RIN2: variants seen among roughly 807,000 people sequenced by gnomAD.
RIN2 encodes the protein Ras and Rab interactor 2.
In RIN2, 36 loss-of-function variants were observed where a neutral mutation model predicts 78.0. That is an observed-to-expected ratio of 0.46 (90% CI 0.35 to 0.61). The LOEUF is 0.61. RIN2 is among the 20% of genes least tolerant of loss of function. The pLI is 0.00. For synonymous variants in RIN2, 466 were observed against 466.8 expected (o/e 1.00, Z 0.02); for missense variants, 1,087 against 1,159.7 (o/e 0.94, Z 0.91).
chr20:19,944,562 C>T (rs768724094), intron 4 of RIN2, among the ~76,000 whole-genome samples: 1 of 152,192 alleles, frequency 6.6e-6, no homozygotes, highest in African/African-American at 2.4e-5. Flanking sequence ...GTGTATCTTT[C>T]TTGCCATTGC....
At chr20:19,913,281 T>C (rs559333154) in intron 3 of RIN2, among the ~76,000 whole-genome samples, 1 of 152,274 alleles carries the variant, frequency 6.6e-6, no homozygotes, top group African/African-American at 2.4e-5. Flanking sequence ...AAATTTACCA[T>C]TTTAAGCATT....
intron 3 of RIN2, among the ~76,000 whole-genome samples, chr20:19,891,123 G>A (rs552727319): frequency 1.3e-5 from 2 of 152,330 alleles, no homozygotes; most frequent in Non-Finnish European, 2.9e-5. Flanking sequence ...AATGAGTTAC[G>A]TTATGTTGAC....
At chr20:19,830,744 T>C (rs2036227418) in intron 2 of RIN2, among the ~76,000 whole-genome samples, 1 of 152,094 alleles carries the variant, frequency 6.6e-6, no homozygotes, top group African/African-American at 2.4e-5. Flanking sequence ...CTGCTGGGAG[T>C]GCTGACCATG....
intron 1 of RIN2, among the ~76,000 whole-genome samples, chr20:19,782,888 C>G (rs1423987011): frequency 6.6e-6 from 1 of 152,216 alleles, no homozygotes; most frequent in Non-Finnish European, 1.5e-5. Flanking sequence ...TGACTGCATC[C>G]CCTGCCTACC....
In RIN2 at chr20:19,773,886, C is replaced by T. The variant is rs1323353895; in HGVS notation, c.-163+15559C>T. On this transcript the variant is annotated intron_variant, in intron 1 of 12. Transcript: ENST00000255006. ...GATAATAAAAATAAAATAATATATACTAGATGATAAATATTATAAAATATT... is the reference window on the plus strand; with the variant it reads ...GATAATAAAAATAAAATAATATATATTAGATGATAAATATTATAAAATATT... Among the ~76,000 whole-genome samples, 12 of 148,970 alleles carry T rather than the reference C, an allele frequency of 8.1e-5. No individual in the cohort carries two copies. In the East Asian group the frequency reaches 2.3e-3, roughly 29 times the overall value.
In RIN2 at chr20:19,974,828, C is replaced by T; in HGVS notation, c.803C>T (p.Ala268Val). Residue 268 changes from alanine to valine, a missense_variant, in exon 9 of 13, where the codon GCC (alanine) becomes GTC (valine). Transcript: ENST00000255006. ...CTGGAGTGCAGCCAGACCAACGGGG[C>T]CCTGTGCTTTATTAATCCCCTTTTC... ...SELECSQTNGALCFINPLFLK... is the reference protein window; with the variant it reads ...SELECSQTNGVLCFINPLFLK... 6.2e-7 allele frequency: 1 copy of T among 1,613,990 alleles called. No individual in the cohort carries two copies. The highest frequency in any genetic ancestry group is 8.5e-7 in the Non-Finnish European group (1 of 1,179,904).
At chr20:19,856,039 G>T (rs185263503) in intron 2 of RIN2, among the ~76,000 whole-genome samples, 135 of 152,116 alleles carry the variant, frequency 8.9e-4, no homozygotes, top group African/African-American at 2.7e-3. Flanking sequence ...GCACCATTGC[G>T]CTCCAGCCTG....
At chr20:19,946,103 C>T (rs2041077854) in intron 4 of RIN2, among the ~76,000 whole-genome samples, 1 of 152,188 alleles carries the variant, frequency 6.6e-6, no homozygotes, top group South Asian at 2.1e-4. Context: ...TCCTCAGGCC[C>T]CTGGTCATGC....
rs116600676 is a variant in RIN2, at chr20:19,790,826, C to T, written c.-162-8796C>T. On this transcript the variant is annotated intron_variant, in intron 1 of 12. Transcript: ENST00000255006. ...CCTTCCAGCCTCCAGCACTTCACCCCAACTCTGAGATGGTCACTAGCTCCC... is the reference window on the plus strand; with the variant it reads ...CCTTCCAGCCTCCAGCACTTCACCCTAACTCTGAGATGGTCACTAGCTCCC... Among the ~76,000 whole-genome samples, 850 of 152,214 alleles carry T rather than the reference C, an allele frequency of 5.6e-3. 8 individuals are homozygous for T. Among genetic ancestry groups the T allele is most frequent in the African/African-American group, 0.019 (807 of 41,528 alleles).
chr20:19,828,880 G>A (rs6075577), intron 2 of RIN2, among the ~76,000 whole-genome samples: 95,411 of 151,792 alleles, frequency 0.63, 31,916 homozygotes, highest in African/African-American at 0.87. Flanking sequence ...AACCGGCTAC[G>A]TCGTCTGAGG....
At chr20:19,959,613 A>T (rs2041670581) in intron 5 of RIN2, among the ~76,000 whole-genome samples, 1 of 152,310 alleles carries the variant, frequency 6.6e-6, no homozygotes, top group African/African-American at 2.4e-5. Context: ...TCAACTGGAG[A>T]TAAAGAGAGG....
chr20:19,975,572 G>T lies in RIN2; in HGVS notation c.1547G>T (p.Arg516Leu). Residue 516 changes from arginine (R) to leucine (L), a missense_variant, in exon 9 of 13, where the codon CGC becomes CTC. Physicochemically the swap from Arg to Leu is moderately radical, Grantham distance 102. Around this residue, in one of 8 missense-constraint regions of RIN2, gnomAD observed 34 missense variants for 46.1 expected, o/e 0.74. Coordinates refer to ENST00000255006, the MANE Select transcript of RIN2 (RefSeq NM_018993.4). The surrounding 1 kb of genome is among the most constrained non-coding windows in gnomAD (Gnocchi z 4.9). ...SFMTPEKRMVRRIAELSRDKC... is the reference protein window; with the variant it reads ...SFMTPEKRMVLRIAELSRDKC... ...ATGACCCCGGAGAAGCGGATGGTCCGCAGGATCGCCGAGCTTTCCCGGGAC... is the reference window on the plus strand; with the variant it reads ...ATGACCCCGGAGAAGCGGATGGTCCTCAGGATCGCCGAGCTTTCCCGGGAC... 1.2e-6 allele frequency: 2 copies of T among 1,614,002 alleles called. No homozygotes were observed. The highest frequency in any genetic ancestry group is 1.7e-6 in the Non-Finnish European group (2 of 1,179,896).
intron 1 of RIN2, among the ~76,000 whole-genome samples, chr20:19,760,188 T>C (rs1399192375): frequency 6.6e-6 from 1 of 152,162 alleles, no homozygotes; most frequent in East Asian, 1.9e-4. Context: ...CATCACAGGC[T>C]AGGGATGGGT....
intron 3 of RIN2, among the ~76,000 whole-genome samples, chr20:19,904,262 A>AAATATATATATATATATATATAT (rs2039123341): frequency 2.7e-5 from 4 of 147,268 alleles, no homozygotes; most frequent in African/African-American, 9.9e-5. Context: ...TATATATATA[A>AAATATATATATATATATATATAT]AATATATATA....
intron 2 of RIN2, among the ~76,000 whole-genome samples, chr20:19,867,180 A>G (rs1037959266): frequency 1.3e-5 from 2 of 152,154 alleles, no homozygotes; most frequent in Non-Finnish European, 2.9e-5. Context: ...CACTCCACAC[A>G]CAACACGTGC....
At chr20:19,955,982 C>T (rs2041513696) in intron 4 of RIN2, among the ~76,000 whole-genome samples, 1 of 152,038 alleles carries the variant, frequency 6.6e-6, no homozygotes, top group Non-Finnish European at 1.5e-5. Context: ...ATTGGCCAGG[C>T]AGGGTGGCTT....
intron 2 of RIN2, among the ~76,000 whole-genome samples, chr20:19,878,521 AAGT>A (rs2037925682): frequency 6.6e-6 from 1 of 152,224 alleles, no homozygotes; most frequent in Non-Finnish European, 1.5e-5. Context: ...CAGGTTTCCC[AAGT>A]CCTCGTAAAG....
chr20:19,805,799 A>T (rs1444622944), intron 2 of RIN2, among the ~76,000 whole-genome samples: 2 of 151,918 alleles, frequency 1.3e-5, no homozygotes, highest in Non-Finnish European at 2.9e-5. Flanking sequence ...TACATGTGCC[A>T]TGGTGGTTTG....
chr20:19,961,098 T>A (rs1323341326), intron 6 of RIN2, among the ~76,000 whole-genome samples: 3 of 152,214 alleles, frequency 2.0e-5, no homozygotes, highest in Non-Finnish European at 2.9e-5. Flanking sequence ...CCTCTCCCCC[T>A]ACCCAGTTAA....
Sources: allele counts gnomAD v4.1 joint callset (sites outside exome capture counted in the v4.1 genomes callset), GRCh38; gene constraint gnomAD v4.1.1; regional missense constraint gnomAD v4.1.1; non-coding constraint Gnocchi (gnomAD v3.1); transcripts MANE v1.5; gene names NCBI Gene and HGNC (gene_info 2026-07-23, HGNC 2026-07-21).